WDTC1: variants seen among roughly 807,000 people sequenced by gnomAD.
WDTC1 encodes WD and tetratricopeptide repeats protein 1.
In WDTC1, 12 loss-of-function variants were observed where a neutral mutation model predicts 76.0. The observed-to-expected ratio is 0.16, with a 90% CI of 0.10 to 0.26. The LOEUF (loss-of-function observed/expected upper bound fraction) is 0.26, where lower values mean the gene tolerates loss of function less well. Among genes scored for constraint, WDTC1 ranks in the 10% least tolerant of loss-of-function variants. The probability of loss-of-function intolerance (pLI) is 1.00; values close to 1 mark genes in which losing one functional copy is unlikely to be tolerated. For synonymous variants in WDTC1, 326 were observed against 350.8 expected (o/e 0.93, Z 0.79); for missense variants, 511 against 908.8 (o/e 0.56, Z 5.63).
chr1:27,294,005 A>G lies in WDTC1; in HGVS notation c.663-17A>G, dbSNP rs372067148. ...CAGTGCTGTAACTTTAACCTATATG[A>G]TTTTCCTTCCCACCAGAAAGAGCAT... On this transcript the variant is annotated splice_polypyrimidine_tract_variant and intron_variant, in intron 7 of 15. Coordinates refer to ENST00000319394, the MANE Select transcript of WDTC1 (RefSeq NM_001276252.2). 4.9e-5 allele frequency: 79 copies of G among 1,612,732 alleles called. No homozygotes were observed. Among genetic ancestry groups the G allele is most frequent in the Non-Finnish European group, 6.1e-5 (72 of 1,179,302 alleles).
Position 27,234,786 on chromosome 1 carries a change from G to T in WDTC1, c.-265G>T. ...GCGGGCGGAGGCGCTGTCCGGCCCC[G>T]GCCAGGCGCCGGGCGGGGAGCATGG... On this transcript the variant is annotated 5_prime_UTR_variant, in exon 1 of 16. Transcript: ENST00000319394. The T allele has an allele frequency of 2.5e-6, 1 of 398,088 alleles. No homozygotes were observed. Among genetic ancestry groups the T allele is most frequent in the Non-Finnish European group, 4.4e-6 (1 of 226,002 alleles). 24.7% of individuals were successfully genotyped at this position (398,088 alleles called of 1,614,324 possible).
chr1:27,277,486 G>A lies in WDTC1; in HGVS notation c.133-4753G>A, dbSNP rs142002319. ...TGACACTCTTTTTTTTTTAAGAGACGGAGTCTGGCTATGTTGCACAGGCTG... is the reference window on the plus strand; with the variant it reads ...TGACACTCTTTTTTTTTTAAGAGACAGAGTCTGGCTATGTTGCACAGGCTG... On this transcript the variant is annotated intron_variant, in intron 3 of 15. Coordinates refer to ENST00000319394, the MANE Select transcript of WDTC1 (RefSeq NM_001276252.2). Among the ~76,000 whole-genome samples, 160 of 151,838 alleles carry A rather than the reference G, an allele frequency of 1.1e-3. 4 individuals are homozygous for A. In the East Asian group the frequency reaches 0.023, roughly 21 times the overall value.
intron 11 of WDTC1, 64 bp from the exon 12 acceptor site, chr1:27,297,874 G>C: frequency 6.7e-7 from 1 of 1,491,488 alleles, no homozygotes; most frequent in South Asian, 1.4e-5. Context: ...CCATGTTACA[G>C]ACTCCCTGAG....
Position 27,296,913 on chromosome 1 carries a change from G to A in WDTC1, c.950-135G>A, listed in dbSNP as rs553943082. ...TCTTTATGTCAGAACTTGCTTTCTG[G>A]GAATGGATCTTACTCTGGGAGAACA... On this transcript the variant is annotated intron_variant, in intron 10 of 15. Coordinates refer to ENST00000319394, the MANE Select transcript of WDTC1 (RefSeq NM_001276252.2). 3.9e-6 allele frequency: 3 copies of A among 769,978 alleles called. No homozygotes were observed. The African/African-American group carries it at 5.3e-5, about 13-fold the overall frequency. The allele number at this position is 769,978 out of a possible 1,614,324, so 47.7% of individuals were successfully genotyped here. A position where few individuals can be genotyped will look rare whatever the true frequency, so the allele number is the denominator to read the frequency against.
intron 3 of WDTC1, among the ~76,000 whole-genome samples, chr1:27,269,052 C>T (rs971230076): frequency 4.8e-5 from 7 of 145,828 alleles, no homozygotes; most frequent in Non-Finnish European, 7.5e-5. Flanking sequence ...AGGCTGGGTG[C>T]AGTGGCTCAC....
At chr1:27,291,085 C>G (rs2013523038) in intron 6 of WDTC1, among the ~76,000 whole-genome samples, 1 of 152,208 alleles carries the variant, frequency 6.6e-6, no homozygotes, top group South Asian at 2.1e-4. Context: ...TAGGCACAGT[C>G]AGAGAAGGTG....
At chr1:27,264,021 G>T (rs1385215509) in intron 3 of WDTC1, among the ~76,000 whole-genome samples, 1 of 151,972 alleles carries the variant, frequency 6.6e-6, no homozygotes, top group African/African-American at 2.4e-5. Flanking sequence ...AAAAAGACCG[G>T]CTCATGCCTG....
chr1:27,264,871 T>C (rs1157166967), intron 3 of WDTC1, among the ~76,000 whole-genome samples: 1 of 152,036 alleles, frequency 6.6e-6, no homozygotes, highest in Admixed American at 6.6e-5. Flanking sequence ...GGTGCCATCA[T>C]GGCTCACTGC....
At chr1:27,259,022 C>G (rs918308233) in intron 1 of WDTC1, among the ~76,000 whole-genome samples, 3 of 152,136 alleles carry the variant, frequency 2.0e-5, no homozygotes, top group Non-Finnish European at 4.4e-5. Context: ...GCAGAACTTT[C>G]CTTGAAAGTC....
At position 27,292,347 on chromosome 1, in the gene WDTC1, C is replaced by T; in HGVS notation, c.612C>T (p.Ala204=). The T allele has an allele frequency of 6.2e-7, 1 of 1,612,560 alleles. No homozygotes were observed. Among genetic ancestry groups the T allele is most frequent in the South Asian group, 1.1e-5 (1 of 90,706 alleles). The change falls in exon 7 of 16, where the codon GCC becomes GCT. Residue 204 remains alanine, a synonymous_variant. Coordinates refer to ENST00000319394, the MANE Select transcript of WDTC1 (RefSeq NM_001276252.2). ...ACAACAACTGCCTGGCAGTTGGGGC[C>T]AGCGGGCCCTTCGTGAGGCTCTATG... ...PQDNNCLAVG[A]SGPFVRLYDI...
chr1:27,259,870 AAGAG>A (rs933072134), intron 1 of WDTC1, among the ~76,000 whole-genome samples: 18 of 151,530 alleles, frequency 1.2e-4, no homozygotes, highest in African/African-American at 3.9e-4. Context: ...AAAAAAAAAA[AAGAG>A]AGAAAAGAAA....
intron 5 of WDTC1, among the ~76,000 whole-genome samples, chr1:27,286,201 C>A (rs2013330625): frequency 6.6e-6 from 1 of 151,548 alleles, no homozygotes; most frequent in Admixed American, 6.6e-5. Context: ...CGGGGTTTCA[C>A]CATGTTGGCC....
Position 27,306,388 on chromosome 1 carries a change from T to C in WDTC1, c.*5T>C. The C allele has an allele frequency of 6.2e-7, 1 of 1,609,608 alleles. No individual in the cohort carries two copies. The highest frequency in any genetic ancestry group is 8.5e-7 in the Non-Finnish European group (1 of 1,179,270). On this transcript the variant is annotated 3_prime_UTR_variant, in exon 16 of 16. Coordinates refer to ENST00000319394, the MANE Select transcript of WDTC1 (RefSeq NM_001276252.2). This position sits in a 1 kb window ranked among gnomAD's most constrained non-coding sequence, Gnocchi z 5.0. ...GTGCAGTGCCGGCCCAGCTAGACCCTCCAGCCCTGGTCCCCAGCCCCTGCT... is the reference window on the plus strand; with the variant it reads ...GTGCAGTGCCGGCCCAGCTAGACCCCCCAGCCCTGGTCCCCAGCCCCTGCT...
intron 3 of WDTC1, among the ~76,000 whole-genome samples, chr1:27,267,878 T>C (rs1353908351): frequency 6.6e-6 from 1 of 152,214 alleles, no homozygotes; most frequent in Non-Finnish European, 1.5e-5. Flanking sequence ...AATAGACATG[T>C]AGATTATTTA....
intron 1 of WDTC1, among the ~76,000 whole-genome samples, chr1:27,253,421 C>T (rs1339544749): frequency 8.7e-4 from 98 of 112,390 alleles, no homozygotes; most frequent in African/African-American, 3.0e-3. Context: ...TCCTCCTCCT[C>T]CCTCCTCCCT....
At chr1:27,255,773 T>A (rs1336416541) in intron 1 of WDTC1, among the ~76,000 whole-genome samples, 1 of 152,166 alleles carries the variant, frequency 6.6e-6, no homozygotes. Flanking sequence ...TTCACCATGT[T>A]GGCTGGGCTG....
chr1:27,277,183 C>A (rs1475850775), intron 3 of WDTC1, among the ~76,000 whole-genome samples: 1 of 152,000 alleles, frequency 6.6e-6, no homozygotes, highest in Admixed American at 6.6e-5. Context: ...CAGGCGCACA[C>A]CACCATGCCC....
At chr1:27,277,038 T>A (rs567313213) in intron 3 of WDTC1, among the ~76,000 whole-genome samples, 1 of 152,208 alleles carries the variant, frequency 6.6e-6, no homozygotes, top group African/African-American at 2.4e-5. Context: ...TGTTTTATTT[T>A]TTTTTTTTAA....
rs151248965 is a variant in WDTC1, at chr1:27,269,910, TTTGTTGTTGTTG to T, written c.132+6705_132+6716del. Among the ~76,000 whole-genome samples, 1,037 of 146,710 alleles carry T rather than the reference TTTGTTGTTGTTG, an allele frequency of 7.1e-3. 6 individuals carry two copies. The highest frequency in any genetic ancestry group is 0.016 in the African/African-American group (646 of 39,520). Reference sequence around the variant, plus strand: ...CAGGCATGAGCCACCACGCCCGGCCTTTGTTGTTGTTGTTGTTGTTGTTGTTGTTGTTGTTGT... The same window carrying T: ...CAGGCATGAGCCACCACGCCCGGCCTTTGTTGTTGTTGTTGTTGTTGTTGT... On this transcript the variant is annotated intron_variant, in intron 3 of 15. Transcript: ENST00000319394.
Sources: gnomAD v4.1 joint callset for allele counts (sites outside exome capture counted in the v4.1 genomes callset) on GRCh38, gnomAD v4.1.1 for gene constraint, Gnocchi (gnomAD v3.1) non-coding constraint, MANE v1.5 for transcripts, NCBI Gene and HGNC (gene_info 2026-07-23, HGNC 2026-07-21) for gene names.